The following HIVEP2 variants were observed in gnomAD, a reference collection of about 807,000 sequenced individuals.
HIVEP2 encodes transcription factor HIVEP2.
A neutral mutation model predicts 180.7 loss-of-function variants in HIVEP2; 14 were observed. The ratio of observed to expected loss-of-function variants is 0.08; its 90% CI spans 0.05 to 0.12. HIVEP2 has a LOEUF of 0.12. Among genes scored for constraint, HIVEP2 ranks in the 10% least tolerant of loss-of-function variants. The pLI is 1.00. For synonymous variants in HIVEP2, 1,184 were observed against 1,136.4 expected (o/e 1.04, Z -0.84); for missense variants, 2,579 against 3,008.5 (o/e 0.86, Z 3.34).
At chr6:142,932,911 G>A (rs1321239808) in intron 1 of HIVEP2, among the ~76,000 whole-genome samples, 6 of 152,122 alleles carry the variant, frequency 3.9e-5, no homozygotes, top group Non-Finnish European at 7.4e-5. Context: ...GTCACCAGTT[G>A]ACAAACCAAA....
chr6:142,928,034 A>C (rs1777857214), intron 1 of HIVEP2, among the ~76,000 whole-genome samples: 1 of 152,228 alleles, frequency 6.6e-6, no homozygotes, highest in Non-Finnish European at 1.5e-5. Flanking sequence ...GAACTAAGCA[A>C]TGTTTCACAT....
intron 1 of HIVEP2, among the ~76,000 whole-genome samples, chr6:142,899,050 C>A (rs576523836): frequency 6.6e-6 from 1 of 152,098 alleles, no homozygotes; most frequent in Non-Finnish European, 1.5e-5. Flanking sequence ...CCCTGTCTTG[C>A]CTGCAGGACA....
chr6:142,760,506 T>G lies in HIVEP2; in HGVS notation c.5782A>C (p.Thr1928Pro). The change falls in exon 9 of 10, where the codon ACA (threonine) becomes CCA (proline). Residue 1928 changes from threonine to proline, a missense_variant. This residue lies in a region of HIVEP2 where 660 missense variants were observed against 731.7 expected (regional missense o/e 0.90). Coordinates refer to ENST00000367603, the MANE Select transcript of HIVEP2 (RefSeq NM_006734.4). ...EDDFDDQGDL[T>P]PKTRSRSTSP... ...GTGCTTCTTGATCTTGTTTTTGGTG[T>G]TAAATCTCCCTGGTCGTCAAAGTCA... 5 of 1,614,130 alleles carry G rather than the reference T, an allele frequency of 3.1e-6. No homozygotes were observed. The highest frequency in any genetic ancestry group is 3.4e-6 in the Non-Finnish European group (4 of 1,180,030).
chr6:142,886,799 C>T (rs552133309), intron 1 of HIVEP2, among the ~76,000 whole-genome samples: 2 of 152,276 alleles, frequency 1.3e-5, no homozygotes, highest in East Asian at 3.9e-4. Context: ...TTTGACAAAA[C>T]ATGTTTAGGG....
chr6:142,894,781 T>C (rs886971156), intron 1 of HIVEP2, among the ~76,000 whole-genome samples: 2 of 152,112 alleles, frequency 1.3e-5, no homozygotes, highest in South Asian at 4.1e-4. Flanking sequence ...ATAGAGCTAG[T>C]TAGTGGTAGA....
Position 142,783,106 on chromosome 6 carries a change from G to C in HIVEP2, c.-433+415C>G, listed in dbSNP as rs185663867. On this transcript the variant is annotated intron_variant, in intron 3 of 9. Transcript: ENST00000367603. ...CACGCCTGTAATCCCAGCACTTTGG[G>C]AGGCCGAGGTCAAGAGATCGAGACC... is the stretch of plus-strand genomic sequence containing the variant. Among the ~76,000 whole-genome samples the C allele has an allele frequency of 2.5e-3, 376 of 152,122 alleles. 2 individuals carry two copies. Among genetic ancestry groups the C allele is most frequent in the African/African-American group, 8.0e-3 (332 of 41,504 alleles).
chr6:142,771,016 G>T lies in HIVEP2; in HGVS notation c.3723C>A (p.Ser1241Arg). Residue 1241 changes from serine (S) to arginine (R), a missense_variant, in exon 5 of 10, where the codon AGC (serine) becomes AGA (arginine). Physicochemically the swap from Ser to Arg is moderately radical, Grantham distance 110 (BLOSUM62 -1). Around this residue, in one of 11 missense-constraint regions of HIVEP2, gnomAD observed 523 missense variants for 577.0 expected, o/e 0.91. Coordinates refer to ENST00000367603, the MANE Select transcript of HIVEP2 (RefSeq NM_006734.4). This position sits in a 1 kb window ranked among gnomAD's most constrained non-coding sequence, Gnocchi z 5.4. ...PHPFAQHPQKSYGKPSFQTEI... is the reference protein window; with the variant it reads ...PHPFAQHPQKRYGKPSFQTEI... ...CTGTCTGAAAAGAGGGCTTGCCATA[G>T]CTCTTCTGAGGGTGCTGAGCAAAGG... 1 of 1,614,208 alleles carries T rather than the reference G, an allele frequency of 6.2e-7. No individual in the cohort carries two copies. The highest frequency in any genetic ancestry group is 8.5e-7 in the Non-Finnish European group (1 of 1,180,038).
chr6:142,827,530 G>C (rs563818063), intron 2 of HIVEP2, among the ~76,000 whole-genome samples: 2 of 152,176 alleles, frequency 1.3e-5, no homozygotes, highest in Admixed American at 6.5e-5. Context: ...GTGCGCGCAC[G>C]CACGTGCACG....
intron 1 of HIVEP2, among the ~76,000 whole-genome samples, chr6:142,906,751 A>G (rs1481913038): frequency 6.6e-6 from 1 of 152,160 alleles, no homozygotes; most frequent in Non-Finnish European, 1.5e-5. Flanking sequence ...ATGATTTTGA[A>G]AGTAAGGATT....
intron 1 of HIVEP2, among the ~76,000 whole-genome samples, chr6:142,852,002 A>C (rs571301332): frequency 9.8e-5 from 15 of 152,296 alleles, no homozygotes; most frequent in Middle Eastern, 3.4e-3. Flanking sequence ...CAAGAGCATT[A>C]TTTTACCCAG....
chr6:142,889,270 A>C (rs1039058060), intron 1 of HIVEP2, among the ~76,000 whole-genome samples: 3 of 152,088 alleles, frequency 2.0e-5, no homozygotes, highest in Non-Finnish European at 4.4e-5. Context: ...CAGGAGATGG[A>C]GACCAGCCTG....
chr6:142,864,554 T>C (rs1268066474), intron 1 of HIVEP2, among the ~76,000 whole-genome samples: 1 of 152,198 alleles, frequency 6.6e-6, no homozygotes, highest in Non-Finnish European at 1.5e-5. Flanking sequence ...TACATGCACA[T>C]AGAGGAACAA....
At chr6:142,890,946 G>A (rs1369130025) in intron 1 of HIVEP2, among the ~76,000 whole-genome samples, 1 of 152,008 alleles carries the variant, frequency 6.6e-6, no homozygotes, top group East Asian at 1.9e-4. Flanking sequence ...CATTACCGGT[G>A]GTGTAGTTTT....
At position 142,753,255 on chromosome 6, in the gene HIVEP2, C is replaced by G. The variant is rs759614161; in HGVS notation, c.7193G>C (p.Gly2398Ala). 2 of 1,614,164 alleles carry G rather than the reference C, an allele frequency of 1.2e-6. No homozygotes were observed. Among genetic ancestry groups the G allele is most frequent in the South Asian group, 2.2e-5 (2 of 91,080 alleles). The change falls in exon 10 of 10, where the codon GGT becomes GCT. Residue 2398 changes from glycine to alanine, a missense_variant. Physicochemically the swap from Gly to Ala is moderately conservative, Grantham distance 60. Coordinates refer to ENST00000367603, the MANE Select transcript of HIVEP2 (RefSeq NM_006734.4). Reference protein sequence around the residue: ...DLHDGEKDNFGTSQTPLAHST... With the variant: ...DLHDGEKDNFATSQTPLAHST... Reference sequence around the variant, plus strand: ...GTGAGCTAATGGAGTCTGTGATGTACCAAAATTGTCCTTTTCACCATCATG... The same window carrying G: ...GTGAGCTAATGGAGTCTGTGATGTAGCAAAATTGTCCTTTTCACCATCATG...
At chr6:142,909,077 G>A (rs1431646389) in intron 1 of HIVEP2, among the ~76,000 whole-genome samples, 2 of 152,046 alleles carry the variant, frequency 1.3e-5, no homozygotes, top group African/African-American at 4.8e-5. Context: ...GTATCTAAAC[G>A]TTATTGTCTC....
chr6:142,891,661 A>G (rs1776864660), intron 1 of HIVEP2, among the ~76,000 whole-genome samples: 2 of 152,158 alleles, frequency 1.3e-5, no homozygotes, highest in Non-Finnish European at 2.9e-5. Context: ...TAAGTCACCC[A>G]ACCTCCCTGG....
At chr6:142,932,077 G>A (rs916079847) in intron 1 of HIVEP2, among the ~76,000 whole-genome samples, 2 of 152,052 alleles carry the variant, frequency 1.3e-5, no homozygotes, top group Non-Finnish European at 2.9e-5. Flanking sequence ...AGTACTTCAC[G>A]TGTGCCTCTC....
At chr6:142,888,532 T>C (rs1177225391) in intron 1 of HIVEP2, among the ~76,000 whole-genome samples, 2 of 152,232 alleles carry the variant, frequency 1.3e-5, no homozygotes, top group Non-Finnish European at 2.9e-5. Context: ...TTCCAAAATA[T>C]TTCATGGGCT....
At chr6:142,805,142 G>A (rs530602077) in intron 2 of HIVEP2, among the ~76,000 whole-genome samples, 6 of 152,216 alleles carry the variant, frequency 3.9e-5, no homozygotes, top group South Asian at 4.1e-4. Context: ...GAGAAGATGG[G>A]CTGTAAACAG....
Sources: gnomAD v4.1 joint callset for allele counts (sites outside exome capture counted in the v4.1 genomes callset) on GRCh38, gnomAD v4.1.1 for gene constraint, gnomAD v4.1.1 regional missense constraint, Gnocchi (gnomAD v3.1) non-coding constraint, MANE v1.5 for transcripts, NCBI Gene and HGNC (gene_info 2026-07-23, HGNC 2026-07-21) for gene names.